Variants in UNC80 observed in about 807,000 individuals in gnomAD.
The protein encoded by UNC80 is protein unc-80 homolog.
Under a neutral mutation model 384.6 loss-of-function variants are expected in UNC80, and 164 were observed. The observed-to-expected ratio is 0.43, with a 90% CI of 0.38 to 0.49. UNC80 has a LOEUF of 0.49. Among genes scored for constraint, UNC80 ranks in the 20% least tolerant of loss-of-function variants. The probability of loss-of-function intolerance (pLI) is 0.00; values close to 1 mark genes in which losing one functional copy is unlikely to be tolerated. For missense variants in UNC80, 3,330 were observed against 4,143.0 expected, an observed-to-expected ratio of 0.80 and a Z score of 5.39; for synonymous variants, 1,486 against 1,527.8, an observed-to-expected ratio of 0.97 and a Z score of 0.64.
At chr2:209,800,179 A>C (rs185652765) in intron 7 of UNC80, among the ~76,000 whole-genome samples, 1 of 152,192 alleles carries the variant, frequency 6.6e-6, no homozygotes, top group African/African-American at 2.4e-5. Flanking sequence ...CTGTGAATCC[A>C]TCTGGTCCTG....
intron 3 of UNC80, 26 bp from the exon 4 acceptor site, chr2:209,777,232 C>A (rs1041686197): frequency 5.2e-6 from 8 of 1,546,226 alleles, no homozygotes; most frequent in African/African-American, 1.4e-5. Flanking sequence ...TTTTTCTTAA[C>A]CTGCCTGTGT....
chr2:209,892,575 A>C (rs1258502134), intron 26 of UNC80, among the ~76,000 whole-genome samples: 1 of 152,118 alleles, frequency 6.6e-6, no homozygotes, highest in African/African-American at 2.4e-5. Context: ...CATTAATTTG[A>C]GTTTATTTTG....
intron 22 of UNC80, among the ~76,000 whole-genome samples, chr2:209,863,910 G>C (rs112785489): frequency 2.2e-4 from 34 of 151,882 alleles, no homozygotes; most frequent in African/African-American, 7.7e-4. Context: ...TGGAGAAGAG[G>C]CACCCTGACA....
At chr2:209,971,516 G>A (rs1168143893) in intron 54 of UNC80, among the ~76,000 whole-genome samples, 6 of 149,678 alleles carry the variant, frequency 4.0e-5, no homozygotes, top group Admixed American at 6.7e-5. Context: ...ATTTCTGTGT[G>A]TCACCCAGTT....
In UNC80 at chr2:209,976,997, C is replaced by A. The variant is rs1282271120; in HGVS notation, c.8857C>A (p.Arg2953Ser). Residue 2953 changes from arginine (R) to serine (S), a missense_variant, in exon 58 of 65, where the codon CGC becomes AGC. Transcript: ENST00000673920. The surrounding 1 kb of genome is among the most constrained non-coding windows in gnomAD (Gnocchi z 4.3). ...CCAGCTGGAGCGGCGCTTCATACCA[C>A]GCCCTTTGTGTAAGAGCTCGCTCAT... is the stretch of plus-strand genomic sequence containing the variant. The part of the protein sequence containing the change: ...ADQLERRFIP[R>S]PLCKSSLIAE... 7.1e-6 allele frequency: 11 copies of A among 1,539,516 alleles called. No homozygotes were observed. Among genetic ancestry groups the A allele is most frequent in the Non-Finnish European group, 9.7e-6 (11 of 1,136,998 alleles).
rs1559410293 is a variant in UNC80 at position 209,967,427 on chromosome 2, T to C, written c.7806-10T>C. On this transcript the variant is annotated splice_polypyrimidine_tract_variant and intron_variant, in intron 51 of 64. Coordinates refer to ENST00000673920, the MANE Select transcript of UNC80 (RefSeq NM_001371986.1). ...ACTTTAAAATATATATACATATATA[T>C]ATATTTTAGGTTGGCAGAAATTGCA... 6.5e-7 allele frequency: 1 copy of C among 1,537,522 alleles called. No homozygotes were observed. Among genetic ancestry groups the C allele is most frequent in the South Asian group, 1.2e-5 (1 of 83,040 alleles).
At chr2:209,906,776 G>GTA (rs1197181948) in intron 29 of UNC80, among the ~76,000 whole-genome samples, 2 of 152,014 alleles carry the variant, frequency 1.3e-5, no homozygotes, top group African/African-American at 4.8e-5. Context: ...TATATACATT[G>GTA]TATATATATT....
chr2:209,821,159 T>C (rs1250302976), intron 13 of UNC80, among the ~76,000 whole-genome samples: 1 of 133,184 alleles, frequency 7.5e-6, no homozygotes, highest in East Asian at 3.2e-4. Context: ...TTCTGAAGCC[T>C]CTTCTCTTGC....
At chr2:209,863,027 C>T (rs537172170) in intron 22 of UNC80, among the ~76,000 whole-genome samples, 120 of 152,154 alleles carry the variant, frequency 7.9e-4, no homozygotes, top group African/African-American at 2.7e-3. Flanking sequence ...AGGGCAGGCC[C>T]GGTGGTAATG....
At chr2:209,939,717 A>G (rs947517343) in intron 43 of UNC80, 65 bp downstream of exon 43, 1 of 1,382,214 alleles carries the variant, frequency 7.2e-7, no homozygotes, top group African/African-American at 1.5e-5. Flanking sequence ...TTTTTTTTAA[A>G]ATTTTATTAT....
chr2:209,981,487 G>T (rs1294447264), intron 59 of UNC80, among the ~76,000 whole-genome samples: 2 of 152,210 alleles, frequency 1.3e-5, no homozygotes, highest in Non-Finnish European at 2.9e-5. Context: ...CTGAGGCATG[G>T]GAACCACTTG....
At chr2:209,878,408 T>C (rs2084969493) in intron 24 of UNC80, among the ~76,000 whole-genome samples, 1 of 152,206 alleles carries the variant, frequency 6.6e-6, no homozygotes, top group African/African-American at 2.4e-5. Flanking sequence ...ACTATAGTTG[T>C]GGAAAATTTA....
At chr2:209,865,833 T>C (rs1322467343) in intron 22 of UNC80, among the ~76,000 whole-genome samples, 1 of 152,206 alleles carries the variant, frequency 6.6e-6, no homozygotes, top group Non-Finnish European at 1.5e-5. Flanking sequence ...AGTAGATCTC[T>C]CAATTACAAT....
At position 209,839,570 on chromosome 2, in the gene UNC80, T is replaced by A; in HGVS notation, c.3250+140T>A. 2 of 890,498 alleles carry A rather than the reference T, an allele frequency of 2.2e-6. No homozygotes were observed. Among genetic ancestry groups the A allele is most frequent in the Non-Finnish European group, 3.4e-6 (2 of 588,644 alleles). The allele number at this position is 890,498 out of a possible 1,614,324, so 55.2% of individuals were successfully genotyped here. A position where few individuals can be genotyped will look rare whatever the true frequency, so the allele number is the denominator to read the frequency against. ...GACTGACTTCATTCATTCATTCATT[T>A]AATTTTTCCCACAGTATTTTTCAAT... On this transcript the variant is annotated intron_variant, in intron 19 of 64. Coordinates refer to ENST00000673920, the MANE Select transcript of UNC80 (RefSeq NM_001371986.1). The surrounding 1 kb of genome is among the most constrained non-coding windows in gnomAD (Gnocchi z 4.1).
At chr2:209,970,187 G>A in intron 53 of UNC80, 1 of 359,020 alleles carries the variant, frequency 2.8e-6, no homozygotes, top group Non-Finnish European at 5.0e-6. Flanking sequence ...GAGTGGGGTG[G>A]CGGAGCCTGC....
At position 209,839,339 on chromosome 2, in the gene UNC80, C is replaced by T. The variant is rs75728326; in HGVS notation, c.3159C>T (p.Cys1053=). The T allele has an allele frequency of 6.4e-7, 1 of 1,551,866 alleles. No homozygotes were observed. Among genetic ancestry groups the T allele is most frequent in the South Asian group, 1.2e-5 (1 of 84,056 alleles). The change falls in exon 19 of 65, where the codon TGC becomes TGT. Residue 1053 remains cysteine (C), a synonymous_variant. Coordinates refer to ENST00000673920, the MANE Select transcript of UNC80 (RefSeq NM_001371986.1). The surrounding 1 kb of genome is among the most constrained non-coding windows in gnomAD (Gnocchi z 4.1). ...AGTCTGAACAGGACACTTCAGAATG[C>T]ACGACTGCCCACTCAGGGACCACCT... is the stretch of plus-strand genomic sequence containing the variant. ...SSQSEQDTSE[C]TTAHSGTTSD...
At chr2:209,939,004 T>G (rs1394501043) in intron 42 of UNC80, among the ~76,000 whole-genome samples, 7 of 152,124 alleles carry the variant, frequency 4.6e-5, no homozygotes, top group Non-Finnish European at 1.0e-4. Context: ...ACCTATGAGC[T>G]TCTGTCCCAA....
chr2:209,786,749 T>A (rs2077450942), intron 5 of UNC80, among the ~76,000 whole-genome samples: 1 of 152,062 alleles, frequency 6.6e-6, no homozygotes, highest in African/African-American at 2.4e-5. Flanking sequence ...AGTCTCCAAA[T>A]CTATCTCTTA....
chr2:209,817,275 C>A, intron 10 of UNC80, 150 bp downstream of exon 10: 1 of 670,550 alleles, frequency 1.5e-6, no homozygotes, highest in Non-Finnish European at 2.5e-6. Flanking sequence ...CAAAATAATG[C>A]TGTGTTTTCA....
Sources: allele counts gnomAD v4.1 joint callset (sites outside exome capture counted in the v4.1 genomes callset), GRCh38; gene constraint gnomAD v4.1.1; non-coding constraint Gnocchi (gnomAD v3.1); transcripts MANE v1.5; gene names NCBI Gene and HGNC (gene_info 2026-07-23, HGNC 2026-07-21).